The following MCTP1 variants were observed in gnomAD, a reference collection of about 807,000 sequenced individuals.
MCTP1 encodes multiple C2 and transmembrane domain containing 1.
Under a neutral mutation model 120.6 loss-of-function variants are expected in MCTP1, and 69 were observed. The ratio of observed to expected loss-of-function variants is 0.57; its 90% CI spans 0.47 to 0.70. The LOEUF (loss-of-function observed/expected upper bound fraction) is 0.70. Among genes scored for constraint, MCTP1 ranks in the 30% least tolerant of loss-of-function variants. The probability of loss-of-function intolerance (pLI) is 0.00; values close to 1 mark genes in which losing one functional copy is unlikely to be tolerated. For synonymous variants in MCTP1, 529 were observed against 493.1 expected (o/e 1.07, Z -0.96); for missense variants, 1,203 against 1,248.8 (o/e 0.96, Z 0.55).
chr5:94,708,655 G>A (rs1009181713), intron 21 of MCTP1, 46 bp from the exon 22 acceptor site: 4 of 1,250,044 alleles, frequency 3.2e-6, no homozygotes, highest in Non-Finnish European at 4.7e-6. Flanking sequence ...TGACAAAAGT[G>A]TTGTAGTAAT....
chr5:94,807,197 G>T (rs1370501258), intron 17 of MCTP1, among the ~76,000 whole-genome samples: 2 of 152,082 alleles, frequency 1.3e-5, no homozygotes, highest in Non-Finnish European at 2.9e-5. Context: ...GAGAACATTT[G>T]GTATGAGAAT....
chr5:94,715,695 G>GAAAC (rs1397211187), intron 19 of MCTP1, among the ~76,000 whole-genome samples: 1 of 152,172 alleles, frequency 6.6e-6, no homozygotes, highest in African/African-American at 2.4e-5. Flanking sequence ...CCCAAAGGAA[G>GAAAC]AAACAGTGGT....
chr5:95,217,514 G>A (rs1401454605), intron 1 of MCTP1, among the ~76,000 whole-genome samples: 4 of 152,166 alleles, frequency 2.6e-5, no homozygotes, highest in African/African-American at 9.6e-5. Context: ...GGCCACACCT[G>A]CTTTCCTTCT....
chr5:94,746,485 A>G (rs1284173373), intron 19 of MCTP1, among the ~76,000 whole-genome samples: 2 of 152,222 alleles, frequency 1.3e-5, no homozygotes, highest in African/African-American at 4.8e-5. Flanking sequence ...AATAAAAACC[A>G]TGACTTCATT....
intron 2 of MCTP1, among the ~76,000 whole-genome samples, chr5:94,983,439 A>C (rs1285628388): frequency 6.6e-6 from 1 of 152,188 alleles, no homozygotes; most frequent in African/African-American, 2.4e-5. Context: ...GGTGTAACTA[A>C]GTTTTCTTTC....
chr5:94,961,198 C>T lies in MCTP1; in HGVS notation c.839-7837G>A, dbSNP rs144177887. ...CAGAAAACCAAATAGTGCATGTTCT[C>T]ACTCATAAGTGGGAGTTGAACAATG... is the stretch of plus-strand genomic sequence containing the variant. On this transcript the variant is annotated intron_variant, in intron 2 of 22. Coordinates refer to ENST00000515393, the MANE Select transcript of MCTP1 (RefSeq NM_024717.7). Among the ~76,000 whole-genome samples the T allele has an allele frequency of 7.7e-3, 1,151 of 149,882 alleles. 24 individuals are homozygous for T. The highest frequency in any genetic ancestry group is 0.027 in the African/African-American group (1,114 of 40,642).
intron 6 of MCTP1, among the ~76,000 whole-genome samples, chr5:94,924,748 T>A (rs1397416896): frequency 6.6e-6 from 1 of 152,214 alleles, no homozygotes; most frequent in Non-Finnish European, 1.5e-5. Flanking sequence ...AGCTTTGCAT[T>A]CTGTCTCTAG....
chr5:95,240,179 C>A (rs552315549), intron 1 of MCTP1, among the ~76,000 whole-genome samples: 7 of 152,196 alleles, frequency 4.6e-5, no homozygotes, highest in African/African-American at 1.7e-4. Flanking sequence ...AATGTTTGTA[C>A]AATTTGCCTA....
chr5:95,170,124 T>C (rs1466749100), intron 1 of MCTP1, among the ~76,000 whole-genome samples: 2 of 152,222 alleles, frequency 1.3e-5, no homozygotes, highest in Non-Finnish European at 2.9e-5. Context: ...TTGTTCTCAT[T>C]GGTTTCAAAG....
intron 1 of MCTP1, among the ~76,000 whole-genome samples, chr5:95,255,594 C>T (rs1757803053): frequency 6.6e-6 from 1 of 152,018 alleles, no homozygotes; most frequent in Non-Finnish European, 1.5e-5. Flanking sequence ...GGTACTGAAG[C>T]CTGAAGCTGG....
intron 1 of MCTP1, among the ~76,000 whole-genome samples, chr5:95,190,043 A>G (rs530298939): frequency 6.6e-6 from 1 of 152,268 alleles, no homozygotes; most frequent in South Asian, 2.1e-4. Context: ...TCCAGGGAAA[A>G]GCTTAGAAGA....
intron 1 of MCTP1, among the ~76,000 whole-genome samples, chr5:95,069,323 T>C (rs890294): frequency 0.15 from 23,468 of 152,228 alleles, 2,087 homozygotes; most frequent in African/African-American, 0.24. Context: ...ACAGTTTTCA[T>C]TGGGGTCTTT....
At chr5:95,031,492 T>TA (rs1299469209) in intron 1 of MCTP1, among the ~76,000 whole-genome samples, 1 of 152,156 alleles carries the variant, frequency 6.6e-6, no homozygotes, top group African/African-American at 2.4e-5. Context: ...TAGCTTTCTT[T>TA]AAGAGAAAAA....
At chr5:95,282,521 C>T (rs1283488478) in intron 1 of MCTP1, among the ~76,000 whole-genome samples, 1 of 152,130 alleles carries the variant, frequency 6.6e-6, no homozygotes, top group African/African-American at 2.4e-5. Context: ...TTCATCTATA[C>T]TGAATTTAAA....
chr5:94,892,671 CA>C (rs1802945214), intron 11 of MCTP1, among the ~76,000 whole-genome samples: 1 of 152,158 alleles, frequency 6.6e-6, no homozygotes, highest in Admixed American at 6.5e-5. Flanking sequence ...TGTTTCATAT[CA>C]GAGTGGGGGC....
chr5:94,800,003 A>G (rs1430836203), intron 17 of MCTP1, among the ~76,000 whole-genome samples: 3 of 152,162 alleles, frequency 2.0e-5, no homozygotes, highest in African/African-American at 7.2e-5. Flanking sequence ...ATGTTAAGTC[A>G]GGAGGCATTT....
At chr5:94,963,351 T>G (rs1048778738) in intron 2 of MCTP1, among the ~76,000 whole-genome samples, 1 of 93,874 alleles carries the variant, frequency 1.1e-5, no homozygotes, top group African/African-American at 5.0e-5. Flanking sequence ...ATATTGTAAT[T>G]CTATTTTTTT....
In MCTP1 at chr5:94,909,416, C is replaced by A. The variant is rs374797968; in HGVS notation, c.1522-35G>T. ...AAAATCATAATTGTCATATTGCTAG[C>A]AGCTTTTTAAAAAAAACTTCAACCT... On this transcript the variant is annotated intron_variant, in intron 9 of 22. Transcript: ENST00000515393. The A allele has an allele frequency of 1.4e-5, 22 of 1,557,384 alleles. 1 individual carries two copies. The highest frequency in any genetic ancestry group is 3.7e-5 in the South Asian group (3 of 81,716).
At chr5:95,059,415 G>T (rs1426240258) in intron 1 of MCTP1, among the ~76,000 whole-genome samples, 1 of 152,084 alleles carries the variant, frequency 6.6e-6, no homozygotes, top group African/African-American at 2.4e-5. Flanking sequence ...CTACTAGAGT[G>T]GGGAGAGAGG....
Sources: allele counts gnomAD v4.1 joint callset (sites outside exome capture counted in the v4.1 genomes callset), GRCh38; gene constraint gnomAD v4.1.1; transcripts MANE v1.5; gene names NCBI Gene and HGNC (gene_info 2026-07-23, HGNC 2026-07-21).